MYO18B: variants seen among roughly 807,000 people sequenced by gnomAD.
MYO18B encodes myosin XVIIIB, also known as unconventional myosin-XVIIIb.
A neutral mutation model predicts 273.0 loss-of-function variants in MYO18B; 204 were observed. The observed-to-expected ratio is 0.75, with a 90% CI of 0.67 to 0.84. MYO18B has a LOEUF of 0.84. MYO18B is among the 40% of genes least tolerant of loss of function. The pLI is 0.00. For synonymous variants in MYO18B, 1,330 were observed against 1,305.7 expected (o/e 1.02, Z -0.40); for missense variants, 3,212 against 3,287.6 (o/e 0.98, Z 0.56).
intron 17 of MYO18B, among the ~76,000 whole-genome samples, chr22:25,837,220 C>T (rs2089932462): frequency 1.3e-5 from 2 of 152,096 alleles, no homozygotes; most frequent in South Asian, 4.2e-4. Context: ...AGGACTGTGA[C>T]TCTGGTTGAG....
chr22:25,960,507 C>T (rs2092906755), intron 39 of MYO18B, among the ~76,000 whole-genome samples: 1 of 152,176 alleles, frequency 6.6e-6, no homozygotes, highest in African/African-American at 2.4e-5. Flanking sequence ...TCCCCTGATC[C>T]AGGTGTCCTT....
At chr22:25,780,973 T>C (rs935797580) in intron 9 of MYO18B, among the ~76,000 whole-genome samples, 3 of 152,036 alleles carry the variant, frequency 2.0e-5, no homozygotes, top group African/African-American at 7.2e-5. Flanking sequence ...GAACAGAAAA[T>C]AGGATTAGGT....
At chr22:25,829,173 C>A (rs1171849676) in intron 15 of MYO18B, among the ~76,000 whole-genome samples, 2 of 152,226 alleles carry the variant, frequency 1.3e-5, no homozygotes, top group African/African-American at 2.4e-5. Context: ...ACCTTCTGAA[C>A]CCCGCAGCCC....
At chr22:25,856,617 A>G (rs1269513789) in intron 21 of MYO18B, among the ~76,000 whole-genome samples, 2 of 152,170 alleles carry the variant, frequency 1.3e-5, no homozygotes, top group African/African-American at 2.4e-5. Context: ...GGTTTGTGAA[A>G]CACTCTGGAG....
chr22:25,799,640 C>T (rs1056302828), intron 12 of MYO18B, among the ~76,000 whole-genome samples: 6 of 152,176 alleles, frequency 3.9e-5, no homozygotes, highest in Non-Finnish European at 2.9e-5. Context: ...GTAGAATCTT[C>T]GAGAAGGTGC....
At chr22:25,761,277 C>T (rs532691484) in intron 2 of MYO18B, 146 bp downstream of exon 2, 23 of 931,050 alleles carry the variant, frequency 2.5e-5, no homozygotes, top group Admixed American at 1.9e-4. Context: ...TCAACCTTCT[C>T]CCAGCCAGCT....
At chr22:25,876,362 G>A in intron 24 of MYO18B, 30 bp downstream of exon 24, 1 of 1,584,532 alleles carries the variant, frequency 6.3e-7, no homozygotes, top group Non-Finnish European at 8.6e-7. Flanking sequence ...AGGGTGCTGG[G>A]TGGCTACTCC....
intron 39 of MYO18B, among the ~76,000 whole-genome samples, chr22:25,991,180 C>G (rs913789695): frequency 6.6e-6 from 1 of 152,186 alleles, no homozygotes; most frequent in Non-Finnish European, 1.5e-5. Flanking sequence ...ATCCCAGCCT[C>G]TCCTTGTCAT....
rs976749573 is a variant in MYO18B, at chr22:25,752,788, C to T, written c.-109-8196C>T. 6.4e-4 allele frequency among the ~76,000 whole-genome samples: 97 copies of T among 152,318 alleles called. 1 individual carries two copies. The highest frequency in any genetic ancestry group is 1.0e-4 in the Non-Finnish European group (7 of 68,028). The stretch of plus-strand genomic sequence containing the variant: ...TTGAGGAGCCCCTCTCTAGGCTGGC[C>T]GAGGCCGGAGCCGGCTCCCTCTGCT... On this transcript the variant is annotated intron_variant, in intron 1 of 43. Coordinates refer to ENST00000335473, the MANE Select transcript of MYO18B (RefSeq NM_032608.7).
At chr22:25,877,559 C>T (rs5761292) in intron 24 of MYO18B, among the ~76,000 whole-genome samples, 17,355 of 152,064 alleles carry the variant, frequency 0.11, 1,286 homozygotes, top group African/African-American at 0.21. Flanking sequence ...CCTCCATCTC[C>T]GGGGTTCAAG....
intron 25 of MYO18B, among the ~76,000 whole-genome samples, chr22:25,880,437 CTTAT>C (rs1343851777): frequency 6.6e-6 from 1 of 151,936 alleles, no homozygotes; most frequent in Non-Finnish European, 1.5e-5. Context: ...GAATTAAAAT[CTTAT>C]TTATCTTGAT....
At position 25,874,392 on chromosome 22, in the gene MYO18B, G is replaced by T; in HGVS notation, c.4058G>T (p.Arg1353Leu). Residue 1353 changes from arginine (R) to leucine (L), a missense_variant, in exon 23 of 44, where the codon CGC becomes CTC. Coordinates refer to ENST00000335473, the MANE Select transcript of MYO18B (RefSeq NM_032608.7). ...GCGGCTTGCAAGGGCTTTCTGTCTCGCCAGGAATTCAAGAAGCTGAAGGTA... is the reference window on the plus strand; with the variant it reads ...GCGGCTTGCAAGGGCTTTCTGTCTCTCCAGGAATTCAAGAAGCTGAAGGTA... ...FQAACKGFLS[R>L]QEFKKLKIRR... The T allele has an allele frequency of 6.2e-7, 1 of 1,613,810 alleles. No individual in the cohort carries two copies. Among genetic ancestry groups the T allele is most frequent in the Non-Finnish European group, 8.5e-7 (1 of 1,179,800 alleles).
In MYO18B at chr22:25,993,411, G is replaced by C. The variant is rs191911963; in HGVS notation, c.6287+918G>C. Among the ~76,000 whole-genome samples the C allele has an allele frequency of 4.2e-4, 64 of 152,304 alleles. 1 individual carries two copies. The East Asian group carries it at 0.012, about 28-fold the overall frequency. On this transcript the variant is annotated intron_variant, in intron 40 of 43. Transcript: ENST00000335473. The stretch of plus-strand genomic sequence containing the variant: ...CTTTTCAATAAAGAATCTACAGGGT[G>C]GTTCCCTCCTGCTGCCTGCAAGCTG...
chr22:25,990,711 A>G (rs1569270717), intron 39 of MYO18B, among the ~76,000 whole-genome samples: 1 of 42,104 alleles, frequency 2.4e-5, no homozygotes, highest in African/African-American at 2.0e-4. Flanking sequence ...AAAAAAAAAA[A>G]AAAAAAAAAG....
At chr22:25,762,950 A>G (rs1301067124) in intron 2 of MYO18B, 1 of 599,992 alleles carries the variant, frequency 1.7e-6, no homozygotes, top group South Asian at 1.4e-5. Context: ...AGCCTTGACC[A>G]TACAAGTGAC....
intron 25 of MYO18B, among the ~76,000 whole-genome samples, chr22:25,884,047 T>G (rs2091424871): frequency 6.6e-6 from 1 of 152,038 alleles, no homozygotes; most frequent in Non-Finnish European, 1.5e-5. Flanking sequence ...TTCTGGATTT[T>G]CCCCCCAAGA....
intron 2 of MYO18B, 56 bp downstream of exon 2, chr22:25,761,187 C>A (rs565515070): frequency 1.3e-6 from 2 of 1,596,232 alleles, no homozygotes; most frequent in Non-Finnish European, 1.7e-6. Context: ...ACTCGACCCT[C>A]GGGAGACAAG....
Position 25,823,798 on chromosome 22 carries a change from G to A in MYO18B, c.2695+120G>A, listed in dbSNP as rs1047341921. The A allele has an allele frequency of 3.9e-5, 42 of 1,082,476 alleles. No individual in the cohort carries two copies. In the Middle Eastern group the frequency reaches 7.2e-4, roughly 18 times the overall value. 67.1% of individuals were successfully genotyped at this position (1,082,476 alleles called of 1,614,324 possible). ...TGTTAAGGGCCTATGCTATGAAGGC[G>A]TGTGTTAGATGCAGGGGAAGCCATC... On this transcript the variant is annotated intron_variant, in intron 13 of 43. Coordinates refer to ENST00000335473, the MANE Select transcript of MYO18B (RefSeq NM_032608.7).
At chr22:25,743,742 C>T (rs1003625757) in intron 1 of MYO18B, among the ~76,000 whole-genome samples, 3 of 152,122 alleles carry the variant, frequency 2.0e-5, no homozygotes, top group Non-Finnish European at 1.5e-5. Flanking sequence ...GGTGTGGGCT[C>T]TGTAACCTTG....
Sources: gnomAD v4.1 joint callset for allele counts (sites outside exome capture counted in the v4.1 genomes callset) on GRCh38, gnomAD v4.1.1 for gene constraint, MANE v1.5 for transcripts, NCBI Gene and HGNC (gene_info 2026-07-23, HGNC 2026-07-21) for gene names.